COL26A1: variants seen among roughly 807,000 people sequenced by gnomAD.
COL26A1 encodes the protein collagen type XXVI alpha 1 chain.
In COL26A1, 41 loss-of-function variants were observed where a neutral mutation model predicts 59.3. The observed-to-expected ratio is 0.69, with a 90% CI of 0.54 to 0.90. The LOEUF (loss-of-function observed/expected upper bound fraction) is 0.90. COL26A1 is among the 40% of genes least tolerant of loss of function. The pLI is 0.00. For synonymous variants in COL26A1, 266 were observed against 256.0 expected (o/e 1.04, Z -0.37); for missense variants, 612 against 602.3 (o/e 1.02, Z -0.17).
At chr7:101,553,246 C>A (rs772527009) in intron 10 of COL26A1, 80 bp from the exon 11 acceptor site, 31 of 1,324,006 alleles carry the variant, frequency 2.3e-5, no homozygotes, top group Admixed American at 1.1e-4. Flanking sequence ...TGACTCCCTG[C>A]AGGCCCCCAG....
intron 3 of COL26A1, among the ~76,000 whole-genome samples, chr7:101,486,042 G>A (rs1317347510): frequency 6.6e-5 from 10 of 151,946 alleles, no homozygotes; most frequent in Admixed American, 4.6e-4. Context: ...GCACGGTGAC[G>A]GGCACCTGTA....
chr7:101,467,896 G>T (rs1562995633), intron 3 of COL26A1, among the ~76,000 whole-genome samples: 1 of 152,010 alleles, frequency 6.6e-6, no homozygotes, highest in South Asian at 2.1e-4. Context: ...AGGGAAGAAG[G>T]AGCCGCCATG....
At chr7:101,505,695 A>C (rs1584470675) in intron 3 of COL26A1, among the ~76,000 whole-genome samples, 2 of 152,204 alleles carry the variant, frequency 1.3e-5, no homozygotes, top group East Asian at 3.9e-4. Context: ...CCACACCGGC[A>C]GCTGATTAGA....
intron 3 of COL26A1, among the ~76,000 whole-genome samples, chr7:101,512,583 C>G (rs1048867838): frequency 6.6e-6 from 1 of 152,192 alleles, no homozygotes; most frequent in Admixed American, 6.6e-5. Context: ...GATCGTGCCA[C>G]TGCACTCCAG....
intron 3 of COL26A1, among the ~76,000 whole-genome samples, chr7:101,500,290 C>G (rs1392994031): frequency 6.6e-6 from 1 of 152,202 alleles, no homozygotes; most frequent in Non-Finnish European, 1.5e-5. Flanking sequence ...GGTCTCTCCT[C>G]CTCTCTGGGC....
chr7:101,531,670 T>C (rs536093189), intron 3 of COL26A1, among the ~76,000 whole-genome samples: 41 of 152,262 alleles, frequency 2.7e-4, no homozygotes, highest in African/African-American at 9.6e-4. Flanking sequence ...CTGAGCACCC[T>C]GAGGGTACAG....
intron 2 of COL26A1, among the ~76,000 whole-genome samples, chr7:101,429,802 T>C (rs1331709864): frequency 6.6e-6 from 1 of 152,000 alleles, no homozygotes; most frequent in Non-Finnish European, 1.5e-5. Context: ...CTTGCTACAT[T>C]GCCCAGGTTC....
At chr7:101,550,242 C>T (rs974810979) in intron 9 of COL26A1, among the ~76,000 whole-genome samples, 1 of 152,206 alleles carries the variant, frequency 6.6e-6, no homozygotes, top group Non-Finnish European at 1.5e-5. Context: ...GGGAGGATCG[C>T]TTGAGCCCGG....
intron 1 of COL26A1, among the ~76,000 whole-genome samples, chr7:101,374,286 G>GGT (rs1791258462): frequency 6.6e-6 from 1 of 152,096 alleles, no homozygotes; most frequent in Non-Finnish European, 1.5e-5. Flanking sequence ...GGAGGAGAGC[G>GGT]GTGTGCGTTC....
intron 3 of COL26A1, among the ~76,000 whole-genome samples, chr7:101,488,437 G>A (rs1436884297): frequency 4.3e-5 from 6 of 141,110 alleles, no homozygotes; most frequent in African/African-American, 1.1e-4. Flanking sequence ...GTGCAGTGGC[G>A]CAATCTCAGC....
intron 3 of COL26A1, among the ~76,000 whole-genome samples, chr7:101,492,206 G>A (rs1794475921): frequency 6.6e-6 from 1 of 152,052 alleles, no homozygotes. Context: ...GTAGAATCTT[G>A]ACGGAAAACT....
chr7:101,481,659 C>T (rs1563003015), intron 3 of COL26A1, among the ~76,000 whole-genome samples: 1 of 151,816 alleles, frequency 6.6e-6, no homozygotes, highest in Non-Finnish European at 1.5e-5. Context: ...CTATGTTGCG[C>T]AGGCTTGACT....
chr7:101,517,795 CGCATTTTTTTTTTTTTTTTTTT>C (rs964877776), intron 3 of COL26A1, among the ~76,000 whole-genome samples: 1 of 142,208 alleles, frequency 7.0e-6, no homozygotes, highest in African/African-American at 2.6e-5. Flanking sequence ...CCCTTCTCCC[CGCATTTTTTTTTTTTTTTTTTT>C]TTTTTTTTTT....
intron 1 of COL26A1, among the ~76,000 whole-genome samples, chr7:101,374,775 G>A (rs1281759593): frequency 6.6e-6 from 1 of 152,146 alleles, no homozygotes; most frequent in African/African-American, 2.4e-5. Context: ...AAGTGCACAG[G>A]CCAGACACGG....
At chr7:101,506,414 C>G (rs1794813439) in intron 3 of COL26A1, among the ~76,000 whole-genome samples, 1 of 152,214 alleles carries the variant, frequency 6.6e-6, no homozygotes, top group African/African-American at 2.4e-5. Flanking sequence ...CATGTTTTGG[C>G]TGCCAATGAA....
intron 2 of COL26A1, among the ~76,000 whole-genome samples, chr7:101,446,498 G>T (rs1793198019): frequency 6.6e-6 from 1 of 152,174 alleles, no homozygotes; most frequent in African/African-American, 2.4e-5. Flanking sequence ...TGCCCAAGGG[G>T]TTCACCTTGC....
At chr7:101,453,164 C>T (rs538300146) in intron 3 of COL26A1, among the ~76,000 whole-genome samples, 107 of 152,242 alleles carry the variant, frequency 7.0e-4, no homozygotes, top group African/African-American at 2.3e-3. Flanking sequence ...GTCAGGAGTT[C>T]GAGACCAGCT....
At chr7:101,489,326 G>T (rs1395364411) in intron 3 of COL26A1, among the ~76,000 whole-genome samples, 1 of 152,134 alleles carries the variant, frequency 6.6e-6, no homozygotes, top group Non-Finnish European at 1.5e-5. Flanking sequence ...AGAGGTGCCA[G>T]ATATATTCCA....
At chr7:101,383,870 A>C (rs1049888617) in intron 1 of COL26A1, among the ~76,000 whole-genome samples, 3 of 152,062 alleles carry the variant, frequency 2.0e-5, no homozygotes, top group Admixed American at 6.6e-5. Context: ...GGATTTCTCT[A>C]TGTTGGTCAG....
Sources: gnomAD v4.1 joint callset for allele counts (sites outside exome capture counted in the v4.1 genomes callset) on GRCh38, gnomAD v4.1.1 for gene constraint, MANE v1.5 for transcripts, NCBI Gene and HGNC (gene_info 2026-07-23, HGNC 2026-07-21) for gene names.